Variants in OSBP2 observed in about 807,000 individuals in gnomAD.
OSBP2 encodes the protein oxysterol binding protein 2.
A neutral mutation model predicts 96.0 loss-of-function variants in OSBP2; 66 were observed. The observed-to-expected ratio is 0.69, with a 90% CI of 0.56 to 0.84. The LOEUF (loss-of-function observed/expected upper bound fraction) is 0.84, where lower values mean the gene tolerates loss of function less well. Among genes scored for constraint, OSBP2 ranks in the 40% least tolerant of loss-of-function variants. The probability of loss-of-function intolerance (pLI) is 0.00; values close to 1 mark genes in which losing one functional copy is unlikely to be tolerated. For synonymous variants in OSBP2, 525 were observed against 520.9 expected (o/e 1.01, Z -0.11); for missense variants, 1,038 against 1,222.7 (o/e 0.85, Z 2.25).
At chr22:30,775,137 G>A (rs970020372) in intron 2 of OSBP2, among the ~76,000 whole-genome samples, 1 of 151,986 alleles carries the variant, frequency 6.6e-6, no homozygotes, top group South Asian at 2.1e-4. Flanking sequence ...CCTCTGACTA[G>A]CTCCAGAACG....
chr22:30,713,298 C>T (rs1461641943), intron 1 of OSBP2, among the ~76,000 whole-genome samples: 1 of 151,896 alleles, frequency 6.6e-6, no homozygotes, highest in East Asian at 1.9e-4. Flanking sequence ...CCAGGATGGT[C>T]TTGATCTCCT....
intron 3 of OSBP2, among the ~76,000 whole-genome samples, chr22:30,883,619 C>A (rs1042454714): frequency 1.3e-5 from 2 of 152,224 alleles, no homozygotes; most frequent in African/African-American, 4.8e-5. Flanking sequence ...AGCAAGCTCT[C>A]AGTTGAGGAC....
At position 30,890,576 on chromosome 22, in the gene OSBP2, TGGG is replaced by T. The variant is rs2039924159; in HGVS notation, c.1624-149_1624-147del. ...AGGAGGGGCCAGGGAGGTGATGGCT[TGGG>T]GGCCACACTGTTGGACAGGGCCATC... On this transcript the variant is annotated intron_variant, in intron 7 of 13. Transcript: ENST00000332585. The surrounding 1 kb of genome is among the most constrained non-coding windows in gnomAD (Gnocchi z 4.4). 1.3e-6 allele frequency: 1 copy of T among 789,656 alleles called. No individual in the cohort carries two copies. Among genetic ancestry groups the T allele is most frequent in the Non-Finnish European group, 2.0e-6 (1 of 497,344 alleles). 48.9% of individuals were successfully genotyped at this position (789,656 alleles called of 1,614,324 possible). A position where few individuals can be genotyped will look rare whatever the true frequency, so the allele number is the denominator to read the frequency against.
intron 1 of OSBP2, among the ~76,000 whole-genome samples, chr22:30,717,084 C>T (rs1269326708): frequency 4.1e-5 from 3 of 72,380 alleles, no homozygotes; most frequent in South Asian, 7.9e-4. Context: ...TTTAATTTTA[C>T]TGTTTTTGTG....
intron 3 of OSBP2, among the ~76,000 whole-genome samples, chr22:30,872,107 G>A (rs1299629296): frequency 6.6e-6 from 1 of 152,198 alleles, no homozygotes; most frequent in African/African-American, 2.4e-5. Context: ...GGCCCCATAT[G>A]CCAAGGATGC....
intron 2 of OSBP2, among the ~76,000 whole-genome samples, chr22:30,781,142 AT>A (rs136305): frequency 0.16 from 21,036 of 133,650 alleles, 1,573 homozygotes; most frequent in African/African-American, 0.2. Flanking sequence ...TGCCTGGCTA[AT>A]TTTTTTTTTT....
At chr22:30,706,423 C>T (rs1050743086) in intron 1 of OSBP2, among the ~76,000 whole-genome samples, 2 of 152,048 alleles carry the variant, frequency 1.3e-5, no homozygotes, top group African/African-American at 4.8e-5. Context: ...ACAGCCACAG[C>T]TCTACATTTA....
chr22:30,901,272 T>C (rs2040187743), intron 12 of OSBP2, among the ~76,000 whole-genome samples: 1 of 152,116 alleles, frequency 6.6e-6, no homozygotes, highest in Non-Finnish European at 1.5e-5. Context: ...TTTTGCCATG[T>C]TGGCCAGGCT....
At chr22:30,847,482 A>G (rs966349195) in intron 2 of OSBP2, among the ~76,000 whole-genome samples, 3 of 147,418 alleles carry the variant, frequency 2.0e-5, no homozygotes, top group Admixed American at 1.3e-4. Context: ...GGATTTCACC[A>G]TGTCGGCCAG....
chr22:30,883,814 T>C (rs925334066), intron 3 of OSBP2, among the ~76,000 whole-genome samples: 1 of 152,100 alleles, frequency 6.6e-6, no homozygotes, highest in Admixed American at 6.5e-5. Context: ...TTACACCCAC[T>C]GGCACAAAAC....
At chr22:30,808,862 G>A (rs2090968861) in intron 2 of OSBP2, among the ~76,000 whole-genome samples, 1 of 152,206 alleles carries the variant, frequency 6.6e-6, no homozygotes, top group Non-Finnish European at 1.5e-5. Context: ...GCTGAGGCAG[G>A]AGAATCACTT....
chr22:30,794,342 A>G (rs1184539531), intron 2 of OSBP2, among the ~76,000 whole-genome samples: 1 of 148,202 alleles, frequency 6.7e-6, no homozygotes, highest in Admixed American at 6.7e-5. Context: ...ACTCATTGCA[A>G]CCTCCGCCTC....
intron 12 of OSBP2, chr22:30,902,646 G>A (rs1193511792): frequency 8.2e-6 from 5 of 613,472 alleles, no homozygotes; most frequent in Middle Eastern, 6.6e-4. Context: ...ACAGAGGAGG[G>A]AAGAGCACAA....
intron 2 of OSBP2, among the ~76,000 whole-genome samples, chr22:30,817,785 G>C (rs139491735): frequency 1.2e-4 from 18 of 152,318 alleles, no homozygotes; most frequent in Middle Eastern, 3.4e-3. Flanking sequence ...GGAGTTCACA[G>C]TCTGTTGTTG....
intron 12 of OSBP2, among the ~76,000 whole-genome samples, chr22:30,903,998 G>A (rs553327371): frequency 1.3e-5 from 2 of 152,346 alleles, no homozygotes; most frequent in Admixed American, 6.5e-5. Context: ...GTTCCCATGT[G>A]CAGGGTTCAG....
intron 2 of OSBP2, among the ~76,000 whole-genome samples, chr22:30,776,738 C>T (rs1430862615): frequency 6.6e-6 from 1 of 152,124 alleles, no homozygotes; most frequent in African/African-American, 2.4e-5. Flanking sequence ...TTCCAGTTTA[C>T]ACTCCCCTTG....
intron 12 of OSBP2, among the ~76,000 whole-genome samples, chr22:30,905,160 T>A (rs1471857964): frequency 9.6e-6 from 1 of 104,502 alleles, no homozygotes; most frequent in East Asian, 4.5e-4. Context: ...TTTTTTTTTT[T>A]TTTTAGACGG....
At chr22:30,783,742 C>T (rs1445118237) in intron 2 of OSBP2, among the ~76,000 whole-genome samples, 1 of 152,208 alleles carries the variant, frequency 6.6e-6, no homozygotes, top group Middle Eastern at 3.2e-3. Context: ...AAGAACGCAA[C>T]TTACGGCGAT....
At chr22:30,699,760 C>CTTAAG (rs146994288) in intron 1 of OSBP2, among the ~76,000 whole-genome samples, 6,146 of 152,184 alleles carry the variant, frequency 0.04, 168 homozygotes, top group Middle Eastern at 0.11. Flanking sequence ...CATTTGATTG[C>CTTAAG]TTAAGTATAT....
Sources: gnomAD v4.1 joint callset for allele counts (sites outside exome capture counted in the v4.1 genomes callset) on GRCh38, gnomAD v4.1.1 for gene constraint, Gnocchi (gnomAD v3.1) non-coding constraint, MANE v1.5 for transcripts, NCBI Gene and HGNC (gene_info 2026-07-23, HGNC 2026-07-21) for gene names.